The following IL7 variants were observed in gnomAD, a reference collection of about 807,000 sequenced individuals.
IL7 encodes the protein interleukin-7.
Under a neutral mutation model 21.6 loss-of-function variants are expected in IL7, and 3 were observed. The observed-to-expected ratio is 0.14, with a 90% confidence interval of 0.06 to 0.36. The LOEUF (loss-of-function observed/expected upper bound fraction) is 0.36, where lower values mean the gene tolerates loss of function less well. Ranked by LOEUF, IL7 falls within the 10% of genes least tolerant of loss-of-function variation. The probability of loss-of-function intolerance (pLI) is 1.00; values close to 1 mark genes in which losing one functional copy is unlikely to be tolerated. For synonymous variants in IL7, 62 were observed against 68.1 expected, an observed-to-expected ratio of 0.91 and a Z score of 0.44; for missense variants, 175 against 200.2, an observed-to-expected ratio of 0.87 and a Z score of 0.76.
intron 3 of IL7, among the ~76,000 whole-genome samples, chr8:78,701,703 G>C (rs568815387): frequency 6.6e-6 from 1 of 152,126 alleles, no homozygotes; most frequent in African/African-American, 2.4e-5. Context: ...TAACGTGAAG[G>C]GATGTTGAAT....
chr8:78,759,104 C>T (rs923483687), intron 2 of IL7, among the ~76,000 whole-genome samples: 1 of 146,104 alleles, frequency 6.8e-6, no homozygotes. Context: ...TTTTAAAAGA[C>T]CAAGTTCAAA....
intron 2 of IL7, among the ~76,000 whole-genome samples, chr8:78,777,336 C>A (rs1813165152): frequency 6.6e-6 from 1 of 151,986 alleles, no homozygotes; most frequent in Non-Finnish European, 1.5e-5. Context: ...TGAGAACAGG[C>A]CTTGACAACA....
chr8:78,737,805 A>C (rs1811644660), intron 4 of IL7, among the ~76,000 whole-genome samples: 1 of 152,162 alleles, frequency 6.6e-6, no homozygotes, highest in Non-Finnish European at 1.5e-5. Context: ...AAAAGAGGTA[A>C]ATAATACAAA....
intron 3 of IL7, among the ~76,000 whole-genome samples, chr8:78,727,471 A>G (rs1474534489): frequency 6.6e-6 from 1 of 152,064 alleles, no homozygotes; most frequent in East Asian, 1.9e-4. Flanking sequence ...TGACATTCCA[A>G]GGAATGATTG....
chr8:78,783,171 C>T (rs992634008), intron 2 of IL7, among the ~76,000 whole-genome samples: 1 of 152,110 alleles, frequency 6.6e-6, no homozygotes, highest in East Asian at 1.9e-4. Flanking sequence ...TTAGGCAGAC[C>T]CCAGCCCAGT....
At chr8:78,801,295 A>G (rs940966944) in intron 1 of IL7, among the ~76,000 whole-genome samples, 1 of 152,174 alleles carries the variant, frequency 6.6e-6, no homozygotes, top group Non-Finnish European at 1.5e-5. Flanking sequence ...GAGTGCACAT[A>G]ATGTTACTCT....
chr8:78,766,597 T>C (rs1812759186), intron 2 of IL7, among the ~76,000 whole-genome samples: 1 of 152,166 alleles, frequency 6.6e-6, no homozygotes, highest in African/African-American at 2.4e-5. Context: ...TTGATTTTTG[T>C]ATCATTCTCA....
At chr8:78,686,026 C>T (rs966062114) in intron 3 of IL7, 6 of 152,372 alleles carry the variant, frequency 3.9e-5, no homozygotes, top group Admixed American at 3.3e-4. Flanking sequence ...TTATCAGGAA[C>T]CCACTCCCTC....
At chr8:78,745,476 T>G (rs948265377) in intron 2 of IL7, among the ~76,000 whole-genome samples, 3 of 152,248 alleles carry the variant, frequency 2.0e-5, no homozygotes, top group Admixed American at 1.3e-4. Context: ...TCTTTCATAC[T>G]ATATTGTTTT....
At chr8:78,731,445 A>C (rs62519005), downstream of IL7, among the ~76,000 whole-genome samples, 7,798 of 151,822 alleles carry the variant, frequency 0.051, 277 homozygotes, top group Middle Eastern at 0.082. Flanking sequence ...TACATGAATG[A>C]GTTTTTAGGG....
At chr8:78,706,767 A>G (rs1035258887) in intron 3 of IL7, among the ~76,000 whole-genome samples, 1 of 152,166 alleles carries the variant, frequency 6.6e-6, no homozygotes, top group Non-Finnish European at 1.5e-5. Flanking sequence ...TATGTGGGAA[A>G]TATATACAAA....
chr8:78,701,569 TG>T (rs2130562948), intron 3 of IL7, among the ~76,000 whole-genome samples: 1 of 152,338 alleles, frequency 6.6e-6, no homozygotes, highest in East Asian at 1.9e-4. Context: ...CTTTGTCTTG[TG>T]CCAGTTTTCA....
At chr8:78,699,063 A>G (rs1465066246) in intron 3 of IL7, among the ~76,000 whole-genome samples, 1 of 152,168 alleles carries the variant, frequency 6.6e-6, no homozygotes, top group Non-Finnish European at 1.5e-5. Context: ...TGAATAGTAA[A>G]TTATGAAAAT....
intron 4 of IL7, chr8:78,678,785 A>C: frequency 1.7e-6 from 1 of 605,342 alleles, no homozygotes; most frequent in Non-Finnish European, 2.7e-6. Flanking sequence ...ATTATCTGCT[A>C]CATTAAGATT....
downstream of IL7, among the ~76,000 whole-genome samples, chr8:78,714,020 T>C (rs1324192748): frequency 1.3e-5 from 2 of 152,196 alleles, no homozygotes; most frequent in Non-Finnish European, 2.9e-5. Flanking sequence ...TACTTTGCCA[T>C]ATAAGTAGAG....
intron 5 of IL7, among the ~76,000 whole-genome samples, chr8:78,735,766 GAGTA>G (rs1811571546): frequency 6.6e-6 from 1 of 152,116 alleles, no homozygotes; most frequent in Admixed American, 6.6e-5. Context: ...TTTCTGAAAA[GAGTA>G]AGGAATTTCC....
chr8:78,691,047 C>T (rs1347772272), intron 3 of IL7, among the ~76,000 whole-genome samples: 1 of 151,992 alleles, frequency 6.6e-6, no homozygotes, highest in Non-Finnish European at 1.5e-5. Flanking sequence ...TATTTTCTTC[C>T]CTCCAACCTT....
chr8:78,768,184 G>C (rs1399263050), intron 2 of IL7, among the ~76,000 whole-genome samples: 5 of 152,134 alleles, frequency 3.3e-5, no homozygotes, highest in Non-Finnish European at 7.4e-5. Flanking sequence ...CGGACATTTG[G>C]GTTGGTTCCA....
chr8:78,720,544 G>A (rs561822149), intron 5 of IL7, among the ~76,000 whole-genome samples: 3 of 151,644 alleles, frequency 2.0e-5, no homozygotes, highest in South Asian at 2.1e-4. Flanking sequence ...ATAATATTAC[G>A]GCCTATTCTT....
Sources: gnomAD v4.1 joint callset for allele counts (sites outside exome capture counted in the v4.1 genomes callset) on GRCh38, gnomAD v4.1.1 for gene constraint, MANE v1.5 for transcripts, NCBI Gene and HGNC (gene_info 2026-07-23, HGNC 2026-07-21) for gene names.